Variants in CTNNA2 observed in about 807,000 individuals in gnomAD.
CTNNA2 encodes catenin alpha 2, also known as catenin alpha-2.
In CTNNA2, 42 loss-of-function variants were observed where a neutral mutation model predicts 101.0. That is an observed-to-expected ratio of 0.42 (90% CI 0.32 to 0.54). The LOEUF (loss-of-function observed/expected upper bound fraction) is 0.54, where lower values mean the gene tolerates loss of function less well. Ranked by LOEUF, CTNNA2 falls within the 20% of genes least tolerant of loss-of-function variation. The probability of loss-of-function intolerance (pLI) is 0.14; values close to 1 mark genes in which losing one functional copy is unlikely to be tolerated. For missense variants in CTNNA2, 871 were observed against 1,223.1 expected (o/e 0.71, Z 4.29); for synonymous variants, 450 against 456.4 (o/e 0.99, Z 0.18).
chr2:79,719,276 G>T (rs1314931960), intron 2 of CTNNA2, among the ~76,000 whole-genome samples: 1 of 152,096 alleles, frequency 6.6e-6, no homozygotes, highest in Non-Finnish European at 1.5e-5. Context: ...AATATTCATG[G>T]TGTGTATGTA....
intron 8 of CTNNA2, among the ~76,000 whole-genome samples, chr2:80,408,087 A>G (rs2149389590): frequency 6.6e-6 from 1 of 152,300 alleles, no homozygotes; most frequent in South Asian, 2.1e-4. Flanking sequence ...ACTCAACAGC[A>G]TCTTATTCCC....
chr2:80,581,655 G>C, intron 13 of CTNNA2, 51 bp from the exon 14 acceptor site: 1 of 1,136,734 alleles, frequency 8.8e-7, no homozygotes, highest in East Asian at 2.3e-5. Context: ...GTGTGGATGG[G>C]GGTGAAGATT....
chr2:80,620,193 AT>A (rs1446967704), intron 18 of CTNNA2, among the ~76,000 whole-genome samples: 23 of 151,854 alleles, frequency 1.5e-4, no homozygotes, highest in Non-Finnish European at 2.4e-4. Flanking sequence ...TTAGGGTGGG[AT>A]GAAAGCATCC....
At chr2:80,003,678 G>A (rs536962671) in intron 7 of CTNNA2, among the ~76,000 whole-genome samples, 2 of 152,274 alleles carry the variant, frequency 1.3e-5, no homozygotes, top group South Asian at 2.1e-4. Flanking sequence ...AGTAAAAGGA[G>A]CACTGAATTT....
At chr2:80,053,278 C>G (rs964667747) in intron 7 of CTNNA2, among the ~76,000 whole-genome samples, 1 of 152,054 alleles carries the variant, frequency 6.6e-6, no homozygotes, top group African/African-American at 2.4e-5. Flanking sequence ...AAGGTGACTT[C>G]TTCCAGTTAG....
chr2:80,210,487 G>C (rs1707815783), intron 7 of CTNNA2, among the ~76,000 whole-genome samples: 1 of 152,050 alleles, frequency 6.6e-6, no homozygotes, highest in Non-Finnish European at 1.5e-5. Context: ...CCTTGCGATA[G>C]TTTGCTGAGA....
At chr2:80,463,044 T>C (rs1201110042) in intron 9 of CTNNA2, among the ~76,000 whole-genome samples, 1 of 152,172 alleles carries the variant, frequency 6.6e-6, no homozygotes. Flanking sequence ...TCTCGTCTTT[T>C]ACCTGACTCC....
intron 3 of CTNNA2, among the ~76,000 whole-genome samples, chr2:79,327,971 G>T (rs1676784537): frequency 6.8e-6 from 1 of 147,356 alleles, no homozygotes; most frequent in South Asian, 2.1e-4. Flanking sequence ...TGGGCATGGG[G>T]TTGCGGGGGT....
At chr2:80,538,469 T>G (rs1012657439) in intron 9 of CTNNA2, among the ~76,000 whole-genome samples, 2 of 152,212 alleles carry the variant, frequency 1.3e-5, no homozygotes, top group Non-Finnish European at 2.9e-5. Context: ...CAGCACCATT[T>G]ATTAAATGGG....
chr2:79,343,466 G>A (rs1677184313), intron 3 of CTNNA2, among the ~76,000 whole-genome samples: 1 of 152,150 alleles, frequency 6.6e-6, no homozygotes, highest in African/African-American at 2.4e-5. Flanking sequence ...GATCTGAGAT[G>A]AATTGTTTCA....
intron 7 of CTNNA2, among the ~76,000 whole-genome samples, chr2:79,922,602 C>A (rs1378337269): frequency 6.6e-6 from 1 of 150,616 alleles, no homozygotes; most frequent in East Asian, 2.0e-4. Flanking sequence ...TGTTTATTTT[C>A]AACCACTTGT....
chr2:79,706,409 A>C (rs905038088), intron 2 of CTNNA2, among the ~76,000 whole-genome samples: 1 of 150,256 alleles, frequency 6.7e-6, no homozygotes, highest in African/African-American at 2.5e-5. Context: ...TGGATTCCCG[A>C]TTTGCCTACA....
intron 4 of CTNNA2, among the ~76,000 whole-genome samples, chr2:79,431,630 A>C (rs1678660215): frequency 6.6e-6 from 1 of 152,206 alleles, no homozygotes; most frequent in Admixed American, 6.5e-5. Flanking sequence ...GCAAGGAAGG[A>C]CAGGGTAGAA....
intron 9 of CTNNA2, among the ~76,000 whole-genome samples, chr2:80,533,551 C>T (rs780714488): frequency 1.3e-5 from 2 of 152,178 alleles, no homozygotes; most frequent in South Asian, 2.1e-4. Context: ...TCATCTGGAT[C>T]TTCATTCTGG....
At chr2:80,376,141 T>A (rs925272020) in intron 7 of CTNNA2, among the ~76,000 whole-genome samples, 2 of 152,188 alleles carry the variant, frequency 1.3e-5, no homozygotes, top group African/African-American at 4.8e-5. Context: ...TTATTTGATT[T>A]TTTTTCCCCT....
At chr2:80,471,743 A>G (rs114174374) in intron 9 of CTNNA2, among the ~76,000 whole-genome samples, 185 of 152,370 alleles carry the variant, frequency 1.2e-3, no homozygotes, top group African/African-American at 4.2e-3. Context: ...GTAAGGATAA[A>G]AAAGGAAGGG....
intron 2 of CTNNA2, among the ~76,000 whole-genome samples, chr2:79,252,435 C>T (rs984725154): frequency 5.3e-5 from 8 of 151,614 alleles, no homozygotes; most frequent in Non-Finnish European, 1.5e-5. Flanking sequence ...TGTGGTTTTT[C>T]TATATGGTTT....
At chr2:79,712,069 T>C (rs753941560) in intron 2 of CTNNA2, among the ~76,000 whole-genome samples, 3 of 152,158 alleles carry the variant, frequency 2.0e-5, no homozygotes, top group Non-Finnish European at 2.9e-5. Context: ...AAACTGACAA[T>C]AACTGCATTT....
chr2:79,815,598 T>G (rs189219813), intron 3 of CTNNA2, among the ~76,000 whole-genome samples: 4 of 152,318 alleles, frequency 2.6e-5, no homozygotes, highest in Admixed American at 2.0e-4. Flanking sequence ...CTGGGTTCTC[T>G]ATTCTGTTCC....
Sources: gnomAD v4.1 joint callset for allele counts (sites outside exome capture counted in the v4.1 genomes callset) on GRCh38, gnomAD v4.1.1 for gene constraint, MANE v1.5 for transcripts, NCBI Gene and HGNC (gene_info 2026-07-23, HGNC 2026-07-21) for gene names.